The following WDSUB1 variants were observed in gnomAD, a reference collection of about 807,000 sequenced individuals.
The protein encoded by WDSUB1 is WD repeat, SAM and U-box domain-containing protein 1.
A neutral mutation model predicts 53.9 loss-of-function variants in WDSUB1; 49 were observed. The observed-to-expected ratio is 0.91, with a 90% CI of 0.72 to 1.15. The LOEUF (loss-of-function observed/expected upper bound fraction) is 1.15, where lower values mean the gene tolerates loss of function less well. Among genes scored for constraint, WDSUB1 ranks in the 50% most tolerant of loss-of-function variants. The pLI, the probability that WDSUB1 is intolerant of heterozygous loss-of-function variation, is 0.00. For synonymous variants in WDSUB1, 194 were observed against 200.6 expected, an observed-to-expected ratio of 0.97 and a Z score of 0.28; for missense variants, 514 against 562.0, an observed-to-expected ratio of 0.91 and a Z score of 0.86.
chr2:159,244,816 G>A (rs961645381), intron 10 of WDSUB1, among the ~76,000 whole-genome samples: 1 of 152,140 alleles, frequency 6.6e-6, no homozygotes, highest in Non-Finnish European at 1.5e-5. Context: ...TGTGGTTCCA[G>A]CTACTTGGCA....
intron 4 of WDSUB1, 133 bp from the exon 5 acceptor site, chr2:159,271,928 C>A: frequency 2.9e-6 from 2 of 681,190 alleles, no homozygotes; most frequent in South Asian, 4.0e-5. Flanking sequence ...TAAAAATCCT[C>A]ATGCAGCTCA....
At position 159,271,756 on chromosome 2, in the gene WDSUB1, C is replaced by T. The variant is rs2061447985; in HGVS notation, c.716G>A (p.Cys239Tyr). ...LKYKSTLSGH[C>Y]APVLACAFSH... ...AAAAGCACAAGCCAGAACAGGAGCA[C>T]AGTGCCCACTCAGTGTACTTTTATA... The change falls in exon 5 of 11, where the codon TGT becomes TAT. Residue 239 changes from cysteine (C) to tyrosine (Y), a missense_variant. Physicochemically the swap from Cys to Tyr is radical, Grantham distance 194. Transcript: ENST00000359774. 4 of 1,614,170 alleles carry T rather than the reference C, an allele frequency of 2.5e-6. No individual in the cohort carries two copies. In the East Asian group the frequency reaches 8.9e-5, roughly 36 times the overall value.
chr2:159,244,651 T>A (rs2060746053), intron 10 of WDSUB1, among the ~76,000 whole-genome samples: 8 of 152,186 alleles, frequency 5.3e-5, no homozygotes, highest in African/African-American at 1.9e-4. Flanking sequence ...CTGGCCAGGC[T>A]CAGTGGCTCA....
rs1256136514 is a variant in WDSUB1, at chr2:159,248,251, T to G, written c.1273+121A>C. Reference sequence around the variant, plus strand: ...ATTCATTTGTTCACCCAAGGTTTAATTAGTTTAAGAAAAAACTACTTAAAA... The same window carrying G: ...ATTCATTTGTTCACCCAAGGTTTAAGTAGTTTAAGAAAAAACTACTTAAAA... On this transcript the variant is annotated intron_variant, in intron 10 of 10. Coordinates refer to ENST00000359774, the MANE Select transcript of WDSUB1 (RefSeq NM_001128212.3). 1.5e-5 allele frequency: 17 copies of G among 1,141,604 alleles called. No homozygotes were observed. In the East Asian group the frequency reaches 3.6e-4, roughly 24 times the overall value. 70.7% of individuals were successfully genotyped at this position (1,141,604 alleles called of 1,614,324 possible). A position where few individuals can be genotyped will look rare whatever the true frequency, so the allele number is the denominator to read the frequency against.
chr2:159,256,128 C>A lies in WDSUB1; in HGVS notation c.1132+68G>T. 3 of 1,476,188 alleles carry A rather than the reference C, an allele frequency of 2.0e-6. No individual in the cohort carries two copies. The South Asian group carries it at 4.1e-5, about 20-fold the overall frequency. The allele number at this position is 1,476,188 out of a possible 1,614,324, so 91.4% of individuals were successfully genotyped here. ...CATTAAGAAGAAACCATTAATGCAA[C>A]AAAATCCAACTGCAGAGTAATTTGG... On this transcript the variant is annotated intron_variant, in intron 9 of 10. Transcript: ENST00000359774.
intron 10 of WDSUB1, among the ~76,000 whole-genome samples, chr2:159,246,912 T>C (rs547035696): frequency 6.6e-6 from 1 of 152,342 alleles, no homozygotes; most frequent in South Asian, 2.1e-4. Flanking sequence ...TGGATTGGTA[T>C]CTGCCTCATG....
At position 159,236,163 on chromosome 2, in the gene WDSUB1, A is replaced by G. The variant is rs776421961; in HGVS notation, c.1301T>C (p.Met434Thr). ...SDGYSYEKEA[M>T]ENWISKKKRT... ...TTTCTTTTTGCTGATCCAATTTTCC[A>G]TTGCTTCCTTTTCATATGAATAGCC... The change falls in exon 11 of 11, where the codon ATG becomes ACG. Residue 434 changes from methionine to threonine, a missense_variant. Transcript: ENST00000359774. The G allele has an allele frequency of 1.2e-6, 2 of 1,611,060 alleles. No homozygotes were observed. Among genetic ancestry groups the G allele is most frequent in the Middle Eastern group, 1.7e-4 (1 of 6,048 alleles).
intron 5 of WDSUB1, among the ~76,000 whole-genome samples, chr2:159,260,189 C>T (rs1393288399): frequency 6.6e-6 from 1 of 152,026 alleles, no homozygotes; most frequent in Non-Finnish European, 1.5e-5. Context: ...CCTGTAATCC[C>T]ATCTCCTTGG....
chr2:159,282,010 A>G (rs982242741), intron 2 of WDSUB1, among the ~76,000 whole-genome samples: 1 of 152,172 alleles, frequency 6.6e-6, no homozygotes, highest in African/African-American at 2.4e-5. Context: ...ACCACAAGTG[A>G]CAAAAATAAA....
Position 159,240,218 on chromosome 2 carries a change from G to T in WDSUB1, c.1274-4028C>A, listed in dbSNP as rs1255342038. 2.1e-5 allele frequency among the ~76,000 whole-genome samples: 3 copies of T among 143,842 alleles called. No homozygotes were observed. In the East Asian group the frequency reaches 5.8e-4, roughly 28 times the overall value. 94.4% of individuals were successfully genotyped at this position (143,842 alleles called of 152,430 possible). ...TCCAAGGTCCATCCTCTACATATTT[G>T]TGCATTTTTATGGCTCGATATTCTC... On this transcript the variant is annotated intron_variant, in intron 10 of 10. Transcript: ENST00000359774.
chr2:159,256,248 T>C lies in WDSUB1; in HGVS notation c.1080A>G (p.Gly360=), dbSNP rs1032623221. Reference sequence around the variant, plus strand: ...CTTTTGTAAGATTCAACAGTTCTTTTCCATCAATGTTATTCATCTTGAAAA... The same window carrying C: ...CTTTTGTAAGATTCAACAGTTCTTTCCCATCAATGTTATTCATCTTGAAAA... ...VGIFKMNNID[G]KELLNLTKES... The change falls in exon 9 of 11, where the codon GGA becomes GGG. Residue 360 remains glycine (G), a synonymous_variant. Coordinates refer to ENST00000359774, the MANE Select transcript of WDSUB1 (RefSeq NM_001128212.3). The C allele has an allele frequency of 4.3e-6, 7 of 1,609,940 alleles. No individual in the cohort carries two copies. The highest frequency in any genetic ancestry group is 5.9e-6 in the Non-Finnish European group (7 of 1,178,970).
At chr2:159,247,940 TATA>T (rs1559532377) in intron 10 of WDSUB1, among the ~76,000 whole-genome samples, 1 of 86,028 alleles carries the variant, frequency 1.2e-5, no homozygotes, top group African/African-American at 1.1e-4. Context: ...TATATATATA[TATA>T]AAATTTGGAT....
At chr2:159,261,699 G>A (rs1169665064) in intron 5 of WDSUB1, among the ~76,000 whole-genome samples, 2 of 151,238 alleles carry the variant, frequency 1.3e-5, no homozygotes, top group East Asian at 3.9e-4. Context: ...ATTTGAAAAA[G>A]TATCCACACA....
chr2:159,280,808 G>A (rs1040744496), intron 2 of WDSUB1, among the ~76,000 whole-genome samples: 10 of 151,898 alleles, frequency 6.6e-5, no homozygotes, highest in East Asian at 5.8e-4. Context: ...AGGGAGGCAC[G>A]GTGCTGAAGT....
At chr2:159,248,625 CAG>C (rs1395653096) in intron 9 of WDSUB1, 113 bp from the exon 10 acceptor site, 2 of 1,222,470 alleles carry the variant, frequency 1.6e-6, no homozygotes, top group Non-Finnish European at 2.1e-6. Context: ...GATTTTGAGA[CAG>C]GGGCTCACTC....
chr2:159,239,819 G>C (rs1426333900), intron 10 of WDSUB1, among the ~76,000 whole-genome samples: 3 of 152,184 alleles, frequency 2.0e-5, no homozygotes, highest in Non-Finnish European at 4.4e-5. Flanking sequence ...AGTACCAGCT[G>C]TGTAGCTCCC....
intron 5 of WDSUB1, among the ~76,000 whole-genome samples, chr2:159,266,449 A>G (rs2061350289): frequency 6.6e-6 from 1 of 152,132 alleles, no homozygotes; most frequent in African/African-American, 2.4e-5. Flanking sequence ...CGGCCTCCCA[A>G]AGTGCTGGGA....
intron 9 of WDSUB1, 147 bp downstream of exon 9, chr2:159,256,049 C>A: frequency 3.0e-6 from 2 of 659,466 alleles, no homozygotes; most frequent in South Asian, 4.8e-5. Flanking sequence ...TTCCACTTCA[C>A]AGCTGCTAGG....
At position 159,240,425 on chromosome 2, in the gene WDSUB1, C is replaced by T. The variant is rs117074914; in HGVS notation, c.1274-4235G>A. ...AATAACTTTCTGAAGAGCTTCCAGA[C>T]TGTTTTCAACAGCAACCACACATGA... is the stretch of plus-strand genomic sequence containing the variant. On this transcript the variant is annotated intron_variant, in intron 10 of 10. Transcript: ENST00000359774. Among the ~76,000 whole-genome samples the T allele has an allele frequency of 1.3e-4, 20 of 152,294 alleles. No individual in the cohort carries two copies. In the East Asian group the frequency reaches 3.7e-3, roughly 28 times the overall value.
Sources: gnomAD v4.1 joint callset for allele counts (sites outside exome capture counted in the v4.1 genomes callset) on GRCh38, gnomAD v4.1.1 for gene constraint, MANE v1.5 for transcripts, NCBI Gene and HGNC (gene_info 2026-07-23, HGNC 2026-07-21) for gene names.